Variants in CPQ observed in about 807,000 individuals in gnomAD.
The protein encoded by CPQ is Ser-Met dipeptidase.
Under a neutral mutation model 45.7 loss-of-function variants are expected in CPQ, and 37 were observed. The ratio of observed to expected loss-of-function variants is 0.81; its 90% CI spans 0.62 to 1.07. The LOEUF (loss-of-function observed/expected upper bound fraction) is 1.07, where lower values mean the gene tolerates loss of function less well. Ranked by LOEUF, CPQ falls within the 50% of genes least tolerant of loss-of-function variation. The pLI, the probability that CPQ is intolerant of heterozygous loss-of-function variation, is 0.00. For missense variants in CPQ, 537 were observed against 572.9 expected (o/e 0.94, Z 0.64); for synonymous variants, 186 against 205.8 (o/e 0.90, Z 0.82).
At chr8:96,914,033 A>G (rs1812700862) in intron 4 of CPQ, among the ~76,000 whole-genome samples, 1 of 151,912 alleles carries the variant, frequency 6.6e-6, no homozygotes, top group Non-Finnish European at 1.5e-5. Flanking sequence ...TGAGATATGT[A>G]GACAAAACAG....
intron 1 of CPQ, among the ~76,000 whole-genome samples, chr8:96,706,766 TTTGAG>T (rs1311356496): frequency 6.6e-6 from 1 of 152,180 alleles, no homozygotes; most frequent in Non-Finnish European, 1.5e-5. Context: ...AGGAAATGAC[TTTGAG>T]TTTTTATTCA....
chr8:96,902,487 T>C (rs1812524014), intron 4 of CPQ, among the ~76,000 whole-genome samples: 1 of 152,136 alleles, frequency 6.6e-6, no homozygotes, highest in Non-Finnish European at 1.5e-5. Flanking sequence ...TCTCATGTAT[T>C]ATAAATTTCC....
chr8:96,728,678 T>A (rs1284146142), intron 1 of CPQ, among the ~76,000 whole-genome samples: 3 of 152,126 alleles, frequency 2.0e-5, no homozygotes, highest in African/African-American at 4.8e-5. Context: ...ATCACACAAC[T>A]TTTTCTGTTG....
chr8:96,827,166 A>G (rs747530079), intron 2 of CPQ, among the ~76,000 whole-genome samples: 16 of 152,070 alleles, frequency 1.1e-4, no homozygotes, highest in Non-Finnish European at 1.9e-4. Context: ...TTACAAGGCA[A>G]TGGGTGGGCA....
chr8:96,871,910 A>AT (rs1812075338), intron 3 of CPQ, among the ~76,000 whole-genome samples: 1 of 151,762 alleles, frequency 6.6e-6, no homozygotes, highest in Non-Finnish European at 1.5e-5. Context: ...AGTACAAATT[A>AT]TTTTTTCTTT....
At chr8:97,134,154 T>G (rs992516477) in intron 7 of CPQ, among the ~76,000 whole-genome samples, 2 of 152,174 alleles carry the variant, frequency 1.3e-5, no homozygotes, top group African/African-American at 4.8e-5. Flanking sequence ...CACTACATGT[T>G]AAGAATTTTT....
intron 7 of CPQ, among the ~76,000 whole-genome samples, chr8:97,123,002 T>TAAAATAAAATAAATAAAATAAAATAA (rs1356753477): frequency 1.3e-4 from 2 of 15,222 alleles, no homozygotes; most frequent in South Asian, 1.5e-3. Context: ...TAAAATAAAA[T>TAAAATAAAATAAATAAAATAAAATAA]ATAAAATAAA....
At chr8:97,123,382 A>G (rs1354325862) in intron 7 of CPQ, among the ~76,000 whole-genome samples, 1 of 150,404 alleles carries the variant, frequency 6.6e-6, no homozygotes, top group African/African-American at 2.4e-5. Flanking sequence ...GAAAAAATAT[A>G]TGATAATAGC....
At chr8:96,766,917 T>G (rs964262735) in intron 1 of CPQ, among the ~76,000 whole-genome samples, 1 of 152,190 alleles carries the variant, frequency 6.6e-6, no homozygotes, top group South Asian at 2.1e-4. Context: ...TATTTTTCTG[T>G]GTACTCTCCC....
Position 96,724,792 on chromosome 8 carries a change from A to G in CPQ, c.-34-60072A>G, listed in dbSNP as rs554943851. Among the ~76,000 whole-genome samples the G allele has an allele frequency of 2.2e-4, 34 of 152,322 alleles. 1 individual carries two copies. In the South Asian group the frequency reaches 7.0e-3, roughly 32 times the overall value. ...CATATGGAACCAGAAAGGAGCCTGA[A>G]TAAACAAAGCAATCTTAAGTAAAAA... On this transcript the variant is annotated intron_variant, in intron 1 of 7. Coordinates refer to ENST00000220763, the MANE Select transcript of CPQ (RefSeq NM_016134.4).
At chr8:96,746,864 T>C (rs1210076287) in intron 1 of CPQ, among the ~76,000 whole-genome samples, 2 of 152,164 alleles carry the variant, frequency 1.3e-5, no homozygotes, top group Non-Finnish European at 2.9e-5. Flanking sequence ...TGCCAAATAG[T>C]GGTAGAGTTT....
intron 4 of CPQ, among the ~76,000 whole-genome samples, chr8:96,886,020 C>T (rs758464667): frequency 6.6e-6 from 1 of 152,058 alleles, no homozygotes; most frequent in Non-Finnish European, 1.5e-5. Context: ...TATTGGGTTT[C>T]ACTTTGTGAA....
At chr8:96,828,032 A>T (rs1250310713) in intron 2 of CPQ, among the ~76,000 whole-genome samples, 1 of 152,122 alleles carries the variant, frequency 6.6e-6, no homozygotes, top group East Asian at 1.9e-4. Flanking sequence ...CTCATAAAAC[A>T]ATCATTACAC....
At chr8:96,887,196 A>C (rs1456714345) in intron 4 of CPQ, among the ~76,000 whole-genome samples, 1 of 152,204 alleles carries the variant, frequency 6.6e-6, no homozygotes, top group Non-Finnish European at 1.5e-5. Context: ...ATGCACTACT[A>C]ATCATATTAT....
intron 1 of CPQ, among the ~76,000 whole-genome samples, chr8:96,723,110 G>A (rs1356521390): frequency 6.6e-6 from 1 of 152,074 alleles, no homozygotes; most frequent in East Asian, 1.9e-4. Context: ...ATCCTTCCAA[G>A]TAACACATTA....
chr8:96,898,378 G>T (rs1337079967), intron 4 of CPQ, among the ~76,000 whole-genome samples: 1 of 152,028 alleles, frequency 6.6e-6, no homozygotes, highest in Non-Finnish European at 1.5e-5. Context: ...AGTAGTCCTG[G>T]GGACAATTCT....
intron 1 of CPQ, among the ~76,000 whole-genome samples, chr8:96,685,724 C>A (rs1266721379): frequency 6.6e-6 from 1 of 152,024 alleles, no homozygotes; most frequent in East Asian, 1.9e-4. Flanking sequence ...CTGTGAACTT[C>A]AGAATCAAAT....
At chr8:97,123,623 G>T (rs927675839) in intron 7 of CPQ, among the ~76,000 whole-genome samples, 1 of 151,420 alleles carries the variant, frequency 6.6e-6, no homozygotes, top group African/African-American at 2.4e-5. Flanking sequence ...TAAAGAATAA[G>T]GTACAAAAAA....
intron 5 of CPQ, among the ~76,000 whole-genome samples, chr8:97,005,040 G>C (rs1809356463): frequency 6.6e-6 from 1 of 151,844 alleles, no homozygotes; most frequent in East Asian, 1.9e-4. Flanking sequence ...AATGTGACTT[G>C]ATTGGGAAGC....
Sources: allele counts gnomAD v4.1 joint callset (sites outside exome capture counted in the v4.1 genomes callset), GRCh38; gene constraint gnomAD v4.1.1; transcripts MANE v1.5; gene names NCBI Gene and HGNC (gene_info 2026-07-23, HGNC 2026-07-21).